Variants in TUSC3 observed in about 807,000 individuals in gnomAD.
TUSC3 encodes tumor suppressor candidate 3.
Under a neutral mutation model 44.8 loss-of-function variants are expected in TUSC3, and 45 were observed. The ratio of observed to expected loss-of-function variants is 1.00; its 90% CI spans 0.79 to 1.29. TUSC3 has a LOEUF of 1.29. TUSC3 is among the 50% of genes most tolerant of loss of function. The probability of loss-of-function intolerance (pLI) is 0.00; values close to 1 mark genes in which losing one functional copy is unlikely to be tolerated. For missense variants in TUSC3, 519 were observed against 437.9 expected, an observed-to-expected ratio of 1.19 and a Z score of -1.65; for synonymous variants, 212 against 152.9, an observed-to-expected ratio of 1.39 and a Z score of -2.85.
At chr8:15,662,425 G>C (rs1054904078) in intron 5 of TUSC3, 129 bp downstream of exon 5, 1 of 1,309,816 alleles carries the variant, frequency 7.6e-7, no homozygotes. Context: ...TAACTTTTTA[G>C]AACTTGGATA....
chr8:15,581,852 G>T (rs1357608182), intron 1 of TUSC3, among the ~76,000 whole-genome samples: 2 of 98,650 alleles, frequency 2.0e-5, no homozygotes, highest in East Asian at 4.5e-4. Context: ...CCACCCAGTT[G>T]GAGCTTCCCG....
rs139570149 is a variant in TUSC3 at position 15,435,687 on chromosome 8, T to A, written n.91+18382T>A. Among the ~76,000 whole-genome samples the A allele has an allele frequency of 7.2e-3, 1,098 of 152,322 alleles. 16 individuals are homozygous for A. Among genetic ancestry groups the A allele is most frequent in the African/African-American group, 0.025 (1,043 of 41,572 alleles). ...TTTTTAGCAGGTTGACTTAGAGGAA[T>A]AAAAATCTCACCTTACATTTGAGCA... On this transcript the variant is annotated intron_variant and non_coding_transcript_variant, in intron 1 of 5. Transcript: ENST00000503191.
At chr8:15,435,008 G>A (rs1321966877) in intron 1 of TUSC3, among the ~76,000 whole-genome samples, 2 of 148,526 alleles carry the variant, frequency 1.3e-5, no homozygotes, top group African/African-American at 2.6e-5. Context: ...GTGTGCATGT[G>A]TCTTTATAGC....
At position 15,765,270 on chromosome 8, in the gene TUSC3, C is replaced by T. The variant is rs1812296639; in HGVS notation, c.*1114C>T. 2 of 151,990 alleles carry T rather than the reference C, an allele frequency of 1.3e-5. No individual in the cohort carries two copies. The highest frequency in any genetic ancestry group is 6.6e-5 in the Admixed American group (1 of 15,226). 9.4% of individuals were successfully genotyped at this position (151,990 alleles called of 1,614,324 possible). A position where few individuals can be genotyped will look rare whatever the true frequency, so the allele number is the denominator to read the frequency against. On this transcript the variant is annotated 3_prime_UTR_variant, in exon 11 of 11. Coordinates refer to ENST00000503731, the MANE Select transcript of TUSC3 (RefSeq NM_006765.4). ...GTTTATAACCAGGCCTTCAAACTCT[C>T]AAACATGGATTTTTATATTCTGTGG...
the TUSC3 span, among the ~76,000 whole-genome samples, chr8:15,780,481 C>A: frequency 2.0e-5 from 3 of 152,168 alleles, no homozygotes; most frequent in Admixed American, 6.5e-5. Flanking sequence ...TATGGACACA[C>A]AAACACTTGC....
chr8:15,623,012 A>T (rs1805321182), intron 1 of TUSC3, 68 bp from the exon 2 acceptor site: 27 of 1,496,020 alleles, frequency 1.8e-5, no homozygotes, highest in Admixed American at 3.6e-5. Context: ...CATTTTATGC[A>T]TTTATATGAA....
chr8:15,773,025 A>AC, the TUSC3 span, among the ~76,000 whole-genome samples: 9 of 152,364 alleles, frequency 5.9e-5, no homozygotes, highest in Non-Finnish European at 1.3e-4. Context: ...CCAGCAGCTA[A>AC]CATAACATTC....
At chr8:15,443,335 A>AC (rs1563252066) in intron 1 of TUSC3, among the ~76,000 whole-genome samples, 2 of 75,000 alleles carry the variant, frequency 2.7e-5, no homozygotes, top group African/African-American at 1.0e-4. Context: ...CACCCACCTA[A>AC]TTGTGTGTGT....
chr8:15,695,595 A>T (rs1049259579), intron 6 of TUSC3, among the ~76,000 whole-genome samples: 1 of 152,214 alleles, frequency 6.6e-6, no homozygotes, highest in Non-Finnish European at 1.5e-5. Flanking sequence ...ACTTGGTAAC[A>T]GGCAGAGTCT....
At chr8:15,804,382 C>A in the TUSC3 span, among the ~76,000 whole-genome samples, 1 of 152,144 alleles carries the variant, frequency 6.6e-6, no homozygotes, top group Non-Finnish European at 1.5e-5. Flanking sequence ...CTTTTGAGAA[C>A]TGAGTCATAA....
the TUSC3 span, among the ~76,000 whole-genome samples, chr8:15,778,337 G>A: frequency 6.6e-6 from 1 of 152,060 alleles, no homozygotes; most frequent in African/African-American, 2.4e-5. Context: ...TTTACTTTTA[G>A]GGTCCTGGGA....
At chr8:15,751,134 A>C (rs1396404209) in intron 9 of TUSC3, among the ~76,000 whole-genome samples, 1 of 152,160 alleles carries the variant, frequency 6.6e-6, no homozygotes, top group African/African-American at 2.4e-5. Context: ...CAAGCTAAAT[A>C]GAGTTTGGGT....
At chr8:15,594,597 A>G (rs1585135522) in intron 1 of TUSC3, among the ~76,000 whole-genome samples, 1 of 152,178 alleles carries the variant, frequency 6.6e-6, no homozygotes, top group Non-Finnish European at 1.5e-5. Context: ...TTGGAGCAAC[A>G]TTCAGTGTAG....
At chr8:15,735,006 G>T (rs28605675) in intron 7 of TUSC3, among the ~76,000 whole-genome samples, 3,415 of 152,244 alleles carry the variant, frequency 0.022, 126 homozygotes, top group African/African-American at 0.079. Flanking sequence ...TTGGCATTGG[G>T]TAACTTACGA....
downstream of TUSC3, among the ~76,000 whole-genome samples, chr8:15,769,451 G>T (rs1406407760): frequency 2.0e-5 from 3 of 152,068 alleles, no homozygotes; most frequent in Admixed American, 1.3e-4. Flanking sequence ...AGACTTAAAT[G>T]TTAAGACCTA....
At chr8:15,465,399 A>T (rs1242889609) in intron 1 of TUSC3, among the ~76,000 whole-genome samples, 2 of 152,208 alleles carry the variant, frequency 1.3e-5, no homozygotes, top group Admixed American at 6.5e-5. Flanking sequence ...GCAGATTTGT[A>T]TTCTGAATTC....
chr8:15,806,732 G>A, the TUSC3 span: 1 of 789,132 alleles, frequency 1.3e-6, no homozygotes, highest in Non-Finnish European at 2.2e-6. Context: ...AGCCAGAGAG[G>A]CTTTCACATG....
chr8:15,555,065 G>T (rs967668163), intron 1 of TUSC3, among the ~76,000 whole-genome samples: 1 of 150,010 alleles, frequency 6.7e-6, no homozygotes, highest in African/African-American at 2.4e-5. Flanking sequence ...GTAAGGAATT[G>T]GTTGTTATTT....
chr8:15,477,228 A>G (rs1009125757), intron 1 of TUSC3, among the ~76,000 whole-genome samples: 1 of 152,164 alleles, frequency 6.6e-6, no homozygotes, highest in Non-Finnish European at 1.5e-5. Context: ...TCCATTGACC[A>G]AATTCCATTT....
Sources: allele counts gnomAD v4.1 joint callset (sites outside exome capture counted in the v4.1 genomes callset), GRCh38; gene constraint gnomAD v4.1.1; transcripts MANE v1.5; gene names NCBI Gene and HGNC (gene_info 2026-07-23, HGNC 2026-07-21).